Variants in LTBP1 observed in about 807,000 individuals in gnomAD.
The protein encoded by LTBP1 is latent-transforming growth factor beta-binding protein 1.
In LTBP1, 129 loss-of-function variants were observed where a neutral mutation model predicts 207.6. The observed-to-expected ratio is 0.62, with a 90% confidence interval of 0.54 to 0.72. The LOEUF (loss-of-function observed/expected upper bound fraction) is 0.72. Among genes scored for constraint, LTBP1 ranks in the 30% least tolerant of loss-of-function variants. The pLI is 0.00. For missense variants in LTBP1, 2,281 were observed against 2,217.2 expected, an observed-to-expected ratio of 1.03 and a Z score of -0.58; for synonymous variants, 963 against 833.7, an observed-to-expected ratio of 1.16 and a Z score of -2.67.
At chr2:33,281,186 G>T (rs990058416) in intron 19 of LTBP1, among the ~76,000 whole-genome samples, 1 of 152,170 alleles carries the variant, frequency 6.6e-6, no homozygotes, top group African/African-American at 2.4e-5. Flanking sequence ...ACTGTCTGGT[G>T]GGGGAGACTG....
At chr2:33,281,694 T>G (rs183113696) in intron 19 of LTBP1, among the ~76,000 whole-genome samples, 57 of 152,324 alleles carry the variant, frequency 3.7e-4, no homozygotes, top group African/African-American at 1.3e-3. Flanking sequence ...CCCAAGAGTC[T>G]CTGCTGATGG....
intron 2 of LTBP1, among the ~76,000 whole-genome samples, chr2:32,978,560 T>C (rs1682202843): frequency 6.6e-6 from 1 of 152,196 alleles, no homozygotes; most frequent in Admixed American, 6.5e-5. Flanking sequence ...CACTTGGTCA[T>C]GATGAATGAT....
Position 32,999,804 on chromosome 2 carries a change from C to G in LTBP1, c.566-21105C>G, listed in dbSNP as rs1270874453. ...CTCTAGCCTGGGCGACAGAGTGAGA[C>G]TCTGTCTAAAAAAAAAAGATCCAGA... On this transcript the variant is annotated intron_variant, in intron 2 of 33. Coordinates refer to ENST00000404816, the MANE Select transcript of LTBP1 (RefSeq NM_206943.4). Among the ~76,000 whole-genome samples the G allele has an allele frequency of 6.8e-5, 9 of 132,668 alleles. 4 individuals carry two copies. The East Asian group carries it at 2.8e-3, about 41-fold the overall frequency. 87.0% of individuals were successfully genotyped at this position (132,668 alleles called of 152,430 possible).
intron 24 of LTBP1, among the ~76,000 whole-genome samples, chr2:33,330,773 T>G (rs1165278035): frequency 6.7e-6 from 1 of 150,260 alleles, no homozygotes; most frequent in East Asian, 1.9e-4. Flanking sequence ...TTTTTTTTTT[T>G]GCTTTGTTCT....
At chr2:32,991,324 T>C (rs527716072) in intron 2 of LTBP1, among the ~76,000 whole-genome samples, 6 of 152,372 alleles carry the variant, frequency 3.9e-5, no homozygotes, top group Admixed American at 1.3e-4. Flanking sequence ...CTATTGTTCT[T>C]ACTTGTAAAT....
chr2:33,344,880 C>G (rs2094681190), intron 25 of LTBP1, among the ~76,000 whole-genome samples: 1 of 152,174 alleles, frequency 6.6e-6, no homozygotes, highest in Non-Finnish European at 1.5e-5. Flanking sequence ...ACCATGTCAG[C>G]TATCTGGAGT....
At chr2:33,319,297 C>G (rs1316253451) in intron 24 of LTBP1, among the ~76,000 whole-genome samples, 4 of 151,856 alleles carry the variant, frequency 2.6e-5, no homozygotes, top group Admixed American at 2.6e-4. Flanking sequence ...ACTCATGAGG[C>G]TGTGGCAGGA....
At chr2:33,198,184 A>G (rs548713003) in intron 7 of LTBP1, among the ~76,000 whole-genome samples, 1 of 152,322 alleles carries the variant, frequency 6.6e-6, no homozygotes, top group African/African-American at 2.4e-5. Context: ...GGTTCTGTTT[A>G]TATGCTGGAT....
intron 15 of LTBP1, among the ~76,000 whole-genome samples, chr2:33,269,311 T>C (rs934908478): frequency 2.0e-5 from 3 of 152,236 alleles, no homozygotes; most frequent in African/African-American, 4.8e-5. Flanking sequence ...TCACTGGCTT[T>C]CTGTCATGGC....
At chr2:33,041,114 T>C (rs2076160338) in intron 3 of LTBP1, among the ~76,000 whole-genome samples, 1 of 152,194 alleles carries the variant, frequency 6.6e-6, no homozygotes, top group African/African-American at 2.4e-5. Flanking sequence ...CAAGCCTGTG[T>C]GACCTCAAAG....
chr2:33,078,014 T>A (rs1281186095), intron 3 of LTBP1, among the ~76,000 whole-genome samples: 1 of 152,176 alleles, frequency 6.6e-6, no homozygotes, highest in Non-Finnish European at 1.5e-5. Flanking sequence ...TTACAGCATG[T>A]TCATTCAGGA....
At chr2:33,300,623 G>A (rs911744268) in intron 21 of LTBP1, 50 bp downstream of exon 21, 1 of 1,573,952 alleles carries the variant, frequency 6.4e-7, no homozygotes, top group East Asian at 2.3e-5. Flanking sequence ...AAAGCACCTG[G>A]TCTGAAAAAG....
chr2:33,319,093 C>A (rs1203473902), intron 24 of LTBP1, among the ~76,000 whole-genome samples: 1 of 152,092 alleles, frequency 6.6e-6, no homozygotes, highest in Non-Finnish European at 1.5e-5. Flanking sequence ...GAACCAGACC[C>A]TGTCTCTTAA....
chr2:33,243,928 G>T, intron 10 of LTBP1, 144 bp downstream of exon 10: 1 of 840,980 alleles, frequency 1.2e-6, no homozygotes, highest in Non-Finnish European at 1.8e-6. Flanking sequence ...CAAGGGGCCT[G>T]CCTGATGTAG....
At chr2:32,948,989 G>C (rs758508790) in intron 2 of LTBP1, 44 bp downstream of exon 2, 13 of 1,593,906 alleles carry the variant, frequency 8.2e-6, no homozygotes, top group Admixed American at 3.3e-5. Flanking sequence ...TAGGCAAAGT[G>C]GGGGGAGGTG....
chr2:33,250,710 G>T (rs1235847910), intron 10 of LTBP1, among the ~76,000 whole-genome samples: 2 of 152,184 alleles, frequency 1.3e-5, no homozygotes. Context: ...CCGAGAGGGA[G>T]CTCATGCATG....
intron 29 of LTBP1, 144 bp from the exon 30 acceptor site, chr2:33,364,072 T>C (rs946966475): frequency 1.5e-6 from 1 of 659,694 alleles, no homozygotes; most frequent in East Asian, 2.8e-5. Context: ...AGAGCCACTC[T>C]CTTTTGGATG....
intron 8 of LTBP1, among the ~76,000 whole-genome samples, chr2:33,218,918 A>C (rs1194554936): frequency 6.6e-6 from 1 of 152,010 alleles, no homozygotes; most frequent in Non-Finnish European, 1.5e-5. Flanking sequence ...TGTTGATTTG[A>C]TTGTATTCTC....
intron 2 of LTBP1, among the ~76,000 whole-genome samples, chr2:33,002,850 G>A (rs1382245652): frequency 6.6e-6 from 1 of 151,990 alleles, no homozygotes; most frequent in African/African-American, 2.4e-5. Context: ...GCTAATTTTT[G>A]TATTTTTAGT....
Sources: gnomAD v4.1 joint callset for allele counts (sites outside exome capture counted in the v4.1 genomes callset) on GRCh38, gnomAD v4.1.1 for gene constraint, MANE v1.5 for transcripts, NCBI Gene and HGNC (gene_info 2026-07-23, HGNC 2026-07-21) for gene names.